Variants in SZT2 observed in about 807,000 individuals in gnomAD.
The protein encoded by SZT2 is KICSTOR complex protein SZT2.
Under a neutral mutation model 404.2 loss-of-function variants are expected in SZT2, and 216 were observed. The observed-to-expected ratio is 0.53, with a 90% CI of 0.48 to 0.60. The LOEUF (loss-of-function observed/expected upper bound fraction) is 0.60. Ranked by LOEUF, SZT2 falls within the 20% of genes least tolerant of loss-of-function variation. The pLI is 0.00. For synonymous variants in SZT2, 1,693 were observed against 1,749.9 expected (o/e 0.97, Z 0.81); for missense variants, 3,857 against 4,459.2 (o/e 0.86, Z 3.85).
At chr1:43,403,366 T>C (rs1649913295) in intron 2 of SZT2, 64 bp downstream of exon 2, 2 of 1,567,846 alleles carry the variant, frequency 1.3e-6, no homozygotes, top group South Asian at 2.3e-5. Flanking sequence ...TTTAGGAGAG[T>C]GCTAGAAACA....
chr1:43,420,851 G>A lies in SZT2; in HGVS notation c.1364G>A (p.Arg455Gln), dbSNP rs1260674471. 4.4e-6 allele frequency: 7 copies of A among 1,598,438 alleles called. No homozygotes were observed. Among genetic ancestry groups the A allele is most frequent in the Admixed American group, 1.7e-5 (1 of 60,028 alleles). ...APWPLEPEGPRVTRVEVTMEG... is the reference protein window; with the variant it reads ...APWPLEPEGPQVTRVEVTMEG... ...TGGCCCCTGGAGCCTGAGGGCCCTCGAGTAACACGGGTGGAAGTGACGATG... is the reference window on the plus strand; with the variant it reads ...TGGCCCCTGGAGCCTGAGGGCCCTCAAGTAACACGGGTGGAAGTGACGATG... The change falls in exon 10 of 72, where the codon CGA becomes CAA. Residue 455 changes from arginine to glutamine, a missense_variant. Around this residue, in one of 7 missense-constraint regions of SZT2, gnomAD observed 536 missense variants for 637.4 expected, o/e 0.84. Transcript: ENST00000634258. This position sits in a 1 kb window ranked among gnomAD's most constrained non-coding sequence, Gnocchi z 5.1.
In SZT2 at chr1:43,431,775, G is replaced by C; in HGVS notation, c.5148G>C (p.Gln1716His). 1 of 1,614,258 alleles carries C rather than the reference G, an allele frequency of 6.2e-7. No homozygotes were observed. Among genetic ancestry groups the C allele is most frequent in the Non-Finnish European group, 8.5e-7 (1 of 1,180,042 alleles). Residue 1716 changes from glutamine (Q) to histidine (H), a missense_variant, in exon 36 of 72, where the codon CAG becomes CAC. Around this residue, in one of 7 missense-constraint regions of SZT2, gnomAD observed 1,725 missense variants for 1,881.0 expected, o/e 0.92. Coordinates refer to ENST00000634258, the MANE Select transcript of SZT2 (RefSeq NM_001365999.1). ...CACTCCGAAGAGGGGGCATCCCACA[G>C]AGTCCTGCCCTGCACCGCGCAGCTG... ...VGALRRGGIPQSPALHRAAAH... is the reference protein window; with the variant it reads ...VGALRRGGIPHSPALHRAAAH...
In SZT2 at chr1:43,399,433, G is replaced by A. The variant is rs549721399; in HGVS notation, c.28-3744G>A. Among the ~76,000 whole-genome samples the A allele has an allele frequency of 4.0e-5, 6 of 151,494 alleles. No individual in the cohort carries two copies. The South Asian group carries it at 1.3e-3, about 32-fold the overall frequency. ...CCTAGTTGTTAGTCTGCGGTGGGAG[G>A]GTGCTTTCTAAATCACACAGTAGCC... On this transcript the variant is annotated intron_variant, in intron 1 of 71. Transcript: ENST00000634258.
chr1:43,444,929 CTCA>C (rs922204665), intron 62 of SZT2, among the ~76,000 whole-genome samples: 22 of 152,192 alleles, frequency 1.4e-4, no homozygotes, highest in Non-Finnish European at 2.9e-5. Context: ...TTCCAACTCT[CTCA>C]TGTTTCTGTG....
intron 28 of SZT2, 100 bp downstream of exon 28, chr1:43,428,586 C>CT: frequency 6.7e-7 from 1 of 1,485,340 alleles, no homozygotes; most frequent in Non-Finnish European, 9.0e-7. Flanking sequence ...AAGGTAGTAT[C>CT]TAAGCACCTG....
Position 43,420,717 on chromosome 1 carries a change from T to TCTC in SZT2, c.1262-29_1262-27dup. The TCTC allele has an allele frequency of 6.3e-7, 1 of 1,589,832 alleles. No homozygotes were observed. The highest frequency in any genetic ancestry group is 1.1e-5 in the South Asian group (1 of 90,916). On this transcript the variant is annotated intron_variant, in intron 9 of 71. Coordinates refer to ENST00000634258, the MANE Select transcript of SZT2 (RefSeq NM_001365999.1). The surrounding 1 kb of genome is among the most constrained non-coding windows in gnomAD (Gnocchi z 5.1). Reference sequence around the variant, plus strand: ...ATCCCAGGCCTAGAGTCCTATGCCTTCTCCTAACTGGCCCTTCCGCTTCTC... The same window carrying TCTC: ...ATCCCAGGCCTAGAGTCCTATGCCTTCTCCTCCTAACTGGCCCTTCCGCTTCTC...
chr1:43,420,138 C>G lies in SZT2; in HGVS notation c.1091-15C>G, dbSNP rs1163907290. The stretch of plus-strand genomic sequence containing the variant: ...ATAACCAGTTTCTCCTTCCCCATCT[C>G]CACTGGTCTTCCAGGCTCTCAGCAC... On this transcript the variant is annotated splice_polypyrimidine_tract_variant and intron_variant, in intron 8 of 71. Transcript: ENST00000634258. The surrounding 1 kb of genome is among the most constrained non-coding windows in gnomAD (Gnocchi z 5.1). 6.3e-7 allele frequency: 1 copy of G among 1,597,810 alleles called. No individual in the cohort carries two copies. The highest frequency in any genetic ancestry group is 1.1e-5 in the South Asian group (1 of 91,002).
chr1:43,430,415 G>A, intron 31 of SZT2, 26 bp downstream of exon 31: 1 of 1,604,026 alleles, frequency 6.2e-7, no homozygotes, highest in African/African-American at 1.3e-5. Context: ...AGTCAAGGTG[G>A]GGAAGGCTGG....
In SZT2 at chr1:43,448,069, C is replaced by T. The variant is rs1208411414; in HGVS notation, c.9564-10C>T. ...CAACCACCACTCTCCTGCCCTGCTCCCCACCCCAGGCTACAGTTCTTCGTG... is the reference window on the plus strand; with the variant it reads ...CAACCACCACTCTCCTGCCCTGCTCTCCACCCCAGGCTACAGTTCTTCGTG... On this transcript the variant is annotated splice_polypyrimidine_tract_variant and intron_variant, in intron 68 of 71. Transcript: ENST00000634258. The surrounding 1 kb of genome is among the most constrained non-coding windows in gnomAD (Gnocchi z 4.2). 1 of 1,599,926 alleles carries T rather than the reference C, an allele frequency of 6.3e-7. No individual in the cohort carries two copies. The highest frequency in any genetic ancestry group is 1.7e-5 in the Admixed American group (1 of 59,614).
rs145778661 is a variant in SZT2, at chr1:43,437,267, C to T, written c.6131C>T (p.Thr2044Ile). ...GHFSCDVVWG[T>I]VIRVHSRLKM... is the part of the protein sequence containing the mutation. ...TTCTCCTGTGACGTTGTGTGGGGAA[C>T]TGTGATCCGAGTCCATTCACGCCTC... is the stretch of plus-strand genomic sequence containing the variant. The change falls in exon 43 of 72, where the codon ACT (threonine) becomes ATT (isoleucine). Residue 2044 changes from threonine (T) to isoleucine (I), a missense_variant. This residue lies in a region of SZT2 where 261 missense variants were observed against 372.9 expected (regional missense o/e 0.70). Coordinates refer to ENST00000634258, the MANE Select transcript of SZT2 (RefSeq NM_001365999.1). This position sits in a 1 kb window ranked among gnomAD's most constrained non-coding sequence, Gnocchi z 5.3. The T allele has an allele frequency of 1.2e-6, 2 of 1,614,116 alleles. No homozygotes were observed. Among genetic ancestry groups the T allele is most frequent in the Non-Finnish European group, 1.7e-6 (2 of 1,180,028 alleles).
In SZT2 at chr1:43,442,064, G is replaced by A. The variant is rs151174172; in HGVS notation, c.7807G>A (p.Ala2603Thr). The A allele has an allele frequency of 2.5e-6, 4 of 1,613,892 alleles. No individual in the cohort carries two copies. The highest frequency in any genetic ancestry group is 2.2e-5 in the East Asian group (1 of 44,862). The change falls in exon 56 of 72, where the codon GCA becomes ACA. Residue 2603 changes from alanine to threonine, a missense_variant. Physicochemically the swap from Ala to Thr is moderately conservative, Grantham distance 58 (BLOSUM62 0). This residue lies in a region of SZT2 where 573 missense variants were observed against 592.4 expected (regional missense o/e 0.97). Coordinates refer to ENST00000634258, the MANE Select transcript of SZT2 (RefSeq NM_001365999.1). This position sits in a 1 kb window ranked among gnomAD's most constrained non-coding sequence, Gnocchi z 4.5. ...PGQLGPSPRP[A>T]AERHLLLLGR... ...GCAACTGGGCCCCTCTCCCCGCCCTGCAGCTGAGCGGCATCTGCTGCTTCT... is the reference window on the plus strand; with the variant it reads ...GCAACTGGGCCCCTCTCCCCGCCCTACAGCTGAGCGGCATCTGCTGCTTCT...
At position 43,441,501 on chromosome 1, in the gene SZT2, C is replaced by T. The variant is rs117106532; in HGVS notation, c.7512-3C>T. ...ATGAGGCTCTTACTCCCACTGTCTT[C>T]AGGCGCCGGACAACACAGCTAGAAG... is the stretch of plus-strand genomic sequence containing the variant. On this transcript the variant is annotated splice_region_variant and splice_polypyrimidine_tract_variant and intron_variant, in intron 53 of 71. Coordinates refer to ENST00000634258, the MANE Select transcript of SZT2 (RefSeq NM_001365999.1). The surrounding 1 kb of genome is among the most constrained non-coding windows in gnomAD (Gnocchi z 4.8). 1.3e-3 allele frequency: 2,075 copies of T among 1,613,066 alleles called. 33 individuals carry two copies. In the East Asian group the frequency reaches 0.021, roughly 16 times the overall value.
In SZT2 at chr1:43,450,251, T is replaced by C; in HGVS notation, c.10155+80T>C. The C allele has an allele frequency of 6.2e-7, 1 of 1,613,644 alleles. No homozygotes were observed. The highest frequency in any genetic ancestry group is 8.5e-7 in the Non-Finnish European group (1 of 1,179,586). ...GCTCCACCTCGGAGCCTGCTGAGGT[T>C]GGGGTGCCCACCCTTTCTGAGCCCT... On this transcript the variant is annotated intron_variant, in intron 71 of 71. Transcript: ENST00000634258. This position sits in a 1 kb window ranked among gnomAD's most constrained non-coding sequence, Gnocchi z 4.3.
At chr1:43,436,697 C>T (rs1225150261) in intron 42 of SZT2, 1 of 168,084 alleles carries the variant, frequency 5.9e-6, no homozygotes, top group Non-Finnish European at 1.3e-5. Context: ...TGCCACACTA[C>T]CCTTTGGGTT....
At position 43,424,207 on chromosome 1, in the gene SZT2, C is replaced by T. The variant is rs747740233; in HGVS notation, c.2256-10C>T. ...GAGAGAGATAGCTGGGGAGTTGTCC[C>T]ATTTCCTAGGTATGAGAAGCTGCCC... is the stretch of plus-strand genomic sequence containing the variant. On this transcript the variant is annotated splice_polypyrimidine_tract_variant and intron_variant, in intron 15 of 71. Transcript: ENST00000634258. The surrounding 1 kb of genome is among the most constrained non-coding windows in gnomAD (Gnocchi z 4.1). 85 of 1,595,456 alleles carry T rather than the reference C, an allele frequency of 5.3e-5. No homozygotes were observed. Among genetic ancestry groups the T allele is most frequent in the Non-Finnish European group, 6.6e-5 (78 of 1,178,250 alleles).
rs1655048288 is a variant in SZT2, at chr1:43,441,426, G to A, written c.7511+46G>A. The A allele has an allele frequency of 6.2e-7, 1 of 1,610,772 alleles. No homozygotes were observed. Among genetic ancestry groups the A allele is most frequent in the African/African-American group, 1.3e-5 (1 of 74,974 alleles). ...TGCCCTGGGAGGGTATGGGTGTGAA[G>A]TCACAGATGGGCCTTGGTCTGTATA... On this transcript the variant is annotated intron_variant, in intron 53 of 71. Transcript: ENST00000634258. This position sits in a 1 kb window ranked among gnomAD's most constrained non-coding sequence, Gnocchi z 4.8.
rs749264456 is a variant in SZT2, at chr1:43,452,859, C to G, written c.*2379C>G. 3 of 1,560,450 alleles carry G rather than the reference C, an allele frequency of 1.9e-6. No homozygotes were observed. In the Admixed American group the frequency reaches 5.8e-5, roughly 30 times the overall value. ...CCCCTGATCTTAGCCACATCCAGCTCCAAGCAGACATTCCAGGCCTCCCCA... is the reference window on the plus strand; with the variant it reads ...CCCCTGATCTTAGCCACATCCAGCTGCAAGCAGACATTCCAGGCCTCCCCA... On this transcript the variant is annotated 3_prime_UTR_variant, in exon 72 of 72. Coordinates refer to ENST00000634258, the MANE Select transcript of SZT2 (RefSeq NM_001365999.1).
chr1:43,442,603 C>A lies in SZT2; in HGVS notation c.8136C>A (p.Pro2712=), dbSNP rs2275098. ...LFHHYGQLDF[P]VRDEKEPNPF... ...ATCATTATGGCCAGTTGGACTTCCCCGTGCGAGATGAAAAGGTGCCTGCTG... is the reference window on the plus strand; with the variant it reads ...ATCATTATGGCCAGTTGGACTTCCCAGTGCGAGATGAAAAGGTGCCTGCTG... Residue 2712 remains proline, a synonymous_variant, in exon 58 of 72, where the codon CCC becomes CCA. Coordinates refer to ENST00000634258, the MANE Select transcript of SZT2 (RefSeq NM_001365999.1). This position sits in a 1 kb window ranked among gnomAD's most constrained non-coding sequence, Gnocchi z 4.5. The A allele has an allele frequency of 1.2e-6, 2 of 1,604,232 alleles. No homozygotes were observed. The highest frequency in any genetic ancestry group is 1.7e-6 in the Non-Finnish European group (2 of 1,173,462).
chr1:43,407,953 C>T (rs1160723920), intron 4 of SZT2, among the ~76,000 whole-genome samples: 2 of 150,756 alleles, frequency 1.3e-5, no homozygotes, highest in African/African-American at 4.9e-5. Context: ...CTGCCTCAGC[C>T]TCCCGAGTAG....
Sources: gnomAD v4.1 joint callset for allele counts (sites outside exome capture counted in the v4.1 genomes callset) on GRCh38, gnomAD v4.1.1 for gene constraint, gnomAD v4.1.1 regional missense constraint, Gnocchi (gnomAD v3.1) non-coding constraint, MANE v1.5 for transcripts, NCBI Gene and HGNC (gene_info 2026-07-23, HGNC 2026-07-21) for gene names.